CLUL1: variants seen among roughly 807,000 people sequenced by gnomAD.
CLUL1 encodes the protein clusterin like 1.
A neutral mutation model predicts 49.4 loss-of-function variants in CLUL1; 43 were observed. The observed-to-expected ratio is 0.87, with a 90% CI of 0.68 to 1.12. The LOEUF is 1.12. Ranked by LOEUF, CLUL1 falls within the 50% of genes most tolerant of loss-of-function variation. The pLI, the probability that CLUL1 is intolerant of heterozygous loss-of-function variation, is 0.00. For missense variants in CLUL1, 486 were observed against 544.4 expected (o/e 0.89, Z 1.07); for synonymous variants, 192 against 184.9 (o/e 1.04, Z -0.31).
Position 618,157 on chromosome 18 carries a change from C to A in CLUL1, c.106+51C>A. ...GTGTCCTGTTTGCATGTTGGTTGTC[C>A]TGCTGGCGTTTATAGTGAGTCGCAG... On this transcript the variant is annotated intron_variant, in intron 3 of 9. Coordinates refer to ENST00000692774, the MANE Select transcript of CLUL1 (RefSeq NM_001393344.1). The surrounding 1 kb of genome is among the most constrained non-coding windows in gnomAD (Gnocchi z 4.2). The A allele has an allele frequency of 7.2e-7, 1 of 1,387,182 alleles. No individual in the cohort carries two copies. Among genetic ancestry groups the A allele is most frequent in the Non-Finnish European group, 1.0e-6 (1 of 976,196 alleles). The allele number at this position is 1,387,182 out of a possible 1,614,324, so 85.9% of individuals were successfully genotyped here.
At chr18:643,518 G>GAA (rs2074397360) in intron 8 of CLUL1, among the ~76,000 whole-genome samples, 5 of 152,128 alleles carry the variant, frequency 3.3e-5, no homozygotes, top group Admixed American at 3.3e-4. Context: ...TCAACCTTTA[G>GAA]AAATCTACAG....
chr18:648,909 C>T (rs2074595207), intron 9 of CLUL1, among the ~76,000 whole-genome samples: 1 of 152,164 alleles, frequency 6.6e-6, no homozygotes, highest in Non-Finnish European at 1.5e-5. Context: ...CCTTCCACCT[C>T]AGCCTCCCCA....
intron 3 of CLUL1, 87 bp from the exon 4 acceptor site, chr18:619,124 CCT>C (rs2073401303): frequency 8.0e-7 from 1 of 1,244,982 alleles, no homozygotes; most frequent in Admixed American, 2.2e-5. Flanking sequence ...AACAATTAAG[CCT>C]CTCTTTTGGA....
intron 4 of CLUL1, among the ~76,000 whole-genome samples, chr18:620,915 T>C (rs543795882): frequency 6.6e-6 from 1 of 152,198 alleles, no homozygotes; most frequent in Non-Finnish European, 1.5e-5. Context: ...AAGAGGAAAT[T>C]AAAACTGTAA....
chr18:607,118 G>T lies in CLUL1; in HGVS notation c.-14+19G>T, dbSNP rs765789276. ...ACTACAGGTATGCACCGCTATACCC[G>T]TCTATCTTTTATTTATTTATTTATT... On this transcript the variant is annotated intron_variant, in intron 2 of 9. Transcript: ENST00000692774. 1.4e-6 allele frequency: 1 copy of T among 701,096 alleles called. No homozygotes were observed. Among genetic ancestry groups the T allele is most frequent in the African/African-American group, 1.8e-5 (1 of 57,082 alleles). The allele number at this position is 701,096 out of a possible 1,614,324, so 43.4% of individuals were successfully genotyped here.
rs1386208289 is a variant in CLUL1 at position 627,121 on chromosome 18, T to C, written c.448T>C (p.Tyr150His). The C allele has an allele frequency of 2.5e-6, 4 of 1,611,904 alleles. No homozygotes were observed. The highest frequency in any genetic ancestry group is 2.2e-5 in the East Asian group (1 of 44,860). The change falls in exon 6 of 10, where the codon TAT becomes CAT. Residue 150 changes from tyrosine to histidine, a missense_variant. Transcript: ENST00000692774. ...NKIERFFRKIYQFLFPFHEDN... is the reference protein window; with the variant it reads ...NKIERFFRKIHQFLFPFHEDN... ...GATTGAACGGTTTTTCAGGAAGATATATCAATTTCTATTTCCTTTCCATGA... is the reference window on the plus strand; with the variant it reads ...GATTGAACGGTTTTTCAGGAAGATACATCAATTTCTATTTCCTTTCCATGA...
At chr18:624,470 A>G (rs1470184741) in intron 4 of CLUL1, among the ~76,000 whole-genome samples, 1 of 152,148 alleles carries the variant, frequency 6.6e-6, no homozygotes, top group Admixed American at 6.5e-5. Flanking sequence ...ATAAACTGTA[A>G]AGCCCACTTT....
At chr18:629,862 C>G (rs1298614234) in intron 6 of CLUL1, among the ~76,000 whole-genome samples, 1 of 152,212 alleles carries the variant, frequency 6.6e-6, no homozygotes, top group Non-Finnish European at 1.5e-5. Context: ...CAGGCAGGCG[C>G]TCTACAGCAC....
chr18:616,195 C>T (rs16947413), intron 2 of CLUL1, among the ~76,000 whole-genome samples: 3,807 of 152,234 alleles, frequency 0.025, 168 homozygotes, highest in African/African-American at 0.087. Context: ...TAGCAAATTA[C>T]GGTGGGTCTA....
intron 1 of CLUL1, among the ~76,000 whole-genome samples, chr18:604,097 T>C (rs2072905333): frequency 3.3e-5 from 5 of 152,184 alleles, no homozygotes; most frequent in Admixed American, 3.3e-4. Context: ...CCTAGGCTAG[T>C]CTAGAACTCC....
intron 1 of CLUL1, among the ~76,000 whole-genome samples, chr18:598,812 TA>T (rs572382500): frequency 6.0e-5 from 9 of 151,246 alleles, no homozygotes; most frequent in Admixed American, 2.0e-4. Context: ...TTTCCGGACT[TA>T]AAAAAAAAGC....
Position 633,369 on chromosome 18 carries a change from C to A in CLUL1, c.928C>A (p.Gln310Lys), listed in dbSNP as rs371745365. 12 of 1,613,342 alleles carry A rather than the reference C, an allele frequency of 7.4e-6. No homozygotes were observed. Among genetic ancestry groups the A allele is most frequent in the African/African-American group, 2.7e-5 (2 of 75,006 alleles). Residue 310 changes from glutamine (Q) to lysine (K), a missense_variant, in exon 7 of 10, where the codon CAG (glutamine) becomes AAG (lysine). Physicochemically the swap from Gln to Lys is moderately conservative, Grantham distance 53. Coordinates refer to ENST00000692774, the MANE Select transcript of CLUL1 (RefSeq NM_001393344.1). ...QDRGLCGELD[Q>K]NLSRCFKFHE... ...CAGAGGACTGTGTGGGGAACTTGACCAGAATTTGTCAAGATGTTTCAAATT... is the reference window on the plus strand; with the variant it reads ...CAGAGGACTGTGTGGGGAACTTGACAAGAATTTGTCAAGATGTTTCAAATT...
chr18:631,698 G>C (rs2073998102), intron 6 of CLUL1, among the ~76,000 whole-genome samples: 1 of 152,200 alleles, frequency 6.6e-6, no homozygotes, highest in Non-Finnish European at 1.5e-5. Flanking sequence ...GCTCAGTCCA[G>C]AGAAAGGAAA....
chr18:617,870 A>G, intron 2 of CLUL1, 118 bp from the exon 3 acceptor site: 1 of 778,388 alleles, frequency 1.3e-6, no homozygotes, highest in Non-Finnish European at 2.1e-6. Flanking sequence ...TAAGTTGTCT[A>G]AAGTCATAAG....
intron 9 of CLUL1, among the ~76,000 whole-genome samples, chr18:645,863 C>G (rs1227735179): frequency 9.0e-6 from 1 of 111,730 alleles, no homozygotes; most frequent in African/African-American, 3.3e-5. Context: ...GTTAAACATA[C>G]TCTTAATGTG....
Position 643,368 on chromosome 18 carries a change from A to G in CLUL1, c.1210-1542A>G, listed in dbSNP as rs1053062350. ...CAATCCCTGCCAGCTCTCTGATTCT[A>G]TAACTCTATTAGATTACACTTGAGG... On this transcript the variant is annotated intron_variant, in intron 8 of 9. Transcript: ENST00000692774. Among the ~76,000 whole-genome samples, 12 of 152,360 alleles carry G rather than the reference A, an allele frequency of 7.9e-5. No homozygotes were observed. The South Asian group carries it at 1.5e-3, about 18-fold the overall frequency.
At chr18:604,730 C>G (rs1434475102) in intron 1 of CLUL1, among the ~76,000 whole-genome samples, 1 of 152,056 alleles carries the variant, frequency 6.6e-6, no homozygotes, top group Non-Finnish European at 1.5e-5. Flanking sequence ...AACTAGGTAC[C>G]CTGACATCAA....
intron 7 of CLUL1, among the ~76,000 whole-genome samples, 157 bp downstream of exon 7, chr18:633,592 C>T (rs2074048190): frequency 6.6e-6 from 1 of 152,168 alleles, no homozygotes; most frequent in Non-Finnish European, 1.5e-5. Context: ...TGCGCCCTTA[C>T]AGATGGAGCA....
chr18:650,027 T>C lies in CLUL1; in HGVS notation c.*126T>C, dbSNP rs1199307203. Reference sequence around the variant, plus strand: ...AGGAAAGTATGTTAGCTATATACTATGAAGTACTCTTAGTTTACTTATGTT... The same window carrying C: ...AGGAAAGTATGTTAGCTATATACTACGAAGTACTCTTAGTTTACTTATGTT... On this transcript the variant is annotated 3_prime_UTR_variant, in exon 10 of 10. Transcript: ENST00000692774. 3.2e-6 allele frequency: 2 copies of C among 632,812 alleles called. No individual in the cohort carries two copies. The highest frequency in any genetic ancestry group is 5.5e-6 in the Non-Finnish European group (2 of 364,210). 39.2% of individuals were successfully genotyped at this position (632,812 alleles called of 1,614,324 possible).
Sources: gnomAD v4.1 joint callset for allele counts (sites outside exome capture counted in the v4.1 genomes callset) on GRCh38, gnomAD v4.1.1 for gene constraint, Gnocchi (gnomAD v3.1) non-coding constraint, MANE v1.5 for transcripts, NCBI Gene and HGNC (gene_info 2026-07-23, HGNC 2026-07-21) for gene names.